The following VPS13B variants were observed in gnomAD, a reference collection of about 807,000 sequenced individuals.
VPS13B encodes vacuolar protein sorting 13 homolog B, also known as intermembrane lipid transfer protein VPS13B.
A neutral mutation model predicts 426.4 loss-of-function variants in VPS13B; 285 were observed. That is an observed-to-expected ratio of 0.67 (90% confidence interval 0.61 to 0.74). The LOEUF is 0.74. VPS13B is among the 30% of genes least tolerant of loss of function. The pLI, the probability that VPS13B is intolerant of heterozygous loss-of-function variation, is 0.00. For missense variants in VPS13B, 4,537 were observed against 4,782.6 expected (o/e 0.95, Z 1.51); for synonymous variants, 1,676 against 1,676.4 (o/e 1.00, Z 0.01).
chr8:99,244,673 A>G (rs1817115074), intron 17 of VPS13B, among the ~76,000 whole-genome samples: 1 of 152,230 alleles, frequency 6.6e-6, no homozygotes, highest in East Asian at 1.9e-4. Context: ...ATTTTAGAAG[A>G]TAGTTCTATA....
intron 31 of VPS13B, among the ~76,000 whole-genome samples, chr8:99,572,900 C>G (rs946984040): frequency 6.6e-6 from 1 of 152,176 alleles, no homozygotes; most frequent in Non-Finnish European, 1.5e-5. Context: ...AATGGTTGAA[C>G]TAATTTACAG....
Position 99,152,653 on chromosome 8 carries a change from A to AT in VPS13B, c.2014-3889dup, listed in dbSNP as rs1811133362. Among the ~76,000 whole-genome samples, 4 of 151,928 alleles carry AT rather than the reference A, an allele frequency of 2.6e-5. No individual in the cohort carries two copies. In the South Asian group the frequency reaches 8.3e-4, roughly 32 times the overall value. ...TTGAAATTTTATCACATTTTGCTTT[A>AT]TTTTTTTGGCACTGTGTCTTTAGGC... On this transcript the variant is annotated intron_variant, in intron 14 of 61. Transcript: ENST00000357162.
chr8:99,058,272 TA>T (rs752789247), intron 3 of VPS13B, among the ~76,000 whole-genome samples: 15 of 150,778 alleles, frequency 9.9e-5, no homozygotes, highest in East Asian at 3.9e-4. Context: ...AAGTCAGATT[TA>T]AAAAAAAATA....
At position 99,556,526 on chromosome 8, in the gene VPS13B, TC is replaced by T. The variant is rs774574992; in HGVS notation, c.4824del (p.Ile1609SerfsTer11). The T allele has an allele frequency of 6.2e-7, 1 of 1,613,306 alleles. No individual in the cohort carries two copies. The highest frequency in any genetic ancestry group is 8.5e-7 in the Non-Finnish European group (1 of 1,179,566). ...CAGACAATACCAAATAGATCTGCAG[TC>T]CATCAATATTGGTACTGCACAGTGG... ...EDRQYQIDLQ[S>X]INIGTAQWHQ... On this transcript the variant is annotated frameshift_variant, in exon 31 of 62. Coordinates refer to ENST00000357162, the MANE Select transcript of VPS13B (RefSeq NM_152564.5). LOFTEE classifies it high-confidence loss of function.
intron 55 of VPS13B, among the ~76,000 whole-genome samples, chr8:99,852,181 ATC>A (rs1195279028): frequency 6.6e-6 from 1 of 151,898 alleles, no homozygotes; most frequent in Non-Finnish European, 1.5e-5. Flanking sequence ...GAGAGAGACT[ATC>A]TGCAGATTTA....
intron 2 of VPS13B, among the ~76,000 whole-genome samples, chr8:99,028,738 C>G (rs1842309276): frequency 1.4e-5 from 2 of 144,340 alleles, no homozygotes; most frequent in Non-Finnish European, 3.0e-5. Flanking sequence ...CCACCTCCCT[C>G]CTGGACGGGG....
intron 21 of VPS13B, among the ~76,000 whole-genome samples, chr8:99,401,304 G>T (rs1815025047): frequency 6.6e-6 from 1 of 152,004 alleles, no homozygotes; most frequent in Non-Finnish European, 1.5e-5. Context: ...CCATATTTTT[G>T]AGTGTGTTTT....
intron 39 of VPS13B, among the ~76,000 whole-genome samples, chr8:99,731,781 T>G (rs2130411183): frequency 6.6e-6 from 1 of 152,306 alleles, no homozygotes; most frequent in Middle Eastern, 3.4e-3. Flanking sequence ...ATTGCAAGAT[T>G]TAAGCTCAGT....
At chr8:99,705,018 G>A (rs1325231568) in intron 36 of VPS13B, among the ~76,000 whole-genome samples, 1 of 152,006 alleles carries the variant, frequency 6.6e-6, no homozygotes, top group Non-Finnish European at 1.5e-5. Context: ...AGAACAGATG[G>A]CCTACCGTCC....
At chr8:99,581,181 CAA>C (rs543546804) in intron 33 of VPS13B, among the ~76,000 whole-genome samples, 2 of 125,902 alleles carry the variant, frequency 1.6e-5, no homozygotes, top group Admixed American at 7.9e-5. Context: ...GACCCTGTCT[CAA>C]AAAAAAAAAA....
intron 17 of VPS13B, among the ~76,000 whole-genome samples, chr8:99,214,678 A>G (rs920076509): frequency 1.3e-5 from 2 of 152,148 alleles, no homozygotes; most frequent in African/African-American, 4.8e-5. Flanking sequence ...TATTTTCTCA[A>G]TACTTTAACA....
chr8:99,038,365 AT>A, intron 2 of VPS13B, 57 bp from the exon 3 acceptor site: 3 of 1,375,536 alleles, frequency 2.2e-6, no homozygotes, highest in Non-Finnish European at 3.0e-6. Flanking sequence ...AAATTTGCAT[AT>A]TATAATAAAA....
chr8:99,273,428 AGTGCT>A (rs1345505810), intron 17 of VPS13B, among the ~76,000 whole-genome samples: 1 of 151,818 alleles, frequency 6.6e-6, no homozygotes, highest in Non-Finnish European at 1.5e-5. Context: ...GGCCTGCCAA[AGTGCT>A]GGGATTACAG....
At chr8:99,577,709 A>T in intron 33 of VPS13B, 76 bp downstream of exon 33, 1 of 1,540,172 alleles carries the variant, frequency 6.5e-7, no homozygotes, top group Non-Finnish European at 8.9e-7. Context: ...AACTATAATT[A>T]AGCTGACTGC....
At chr8:99,127,143 T>C (rs1848219969) in intron 8 of VPS13B, among the ~76,000 whole-genome samples, 1 of 152,098 alleles carries the variant, frequency 6.6e-6, no homozygotes, top group Non-Finnish European at 1.5e-5. Context: ...ATATCTGGGT[T>C]ACCAGGGACT....
chr8:99,521,398 A>G (rs1822373672), intron 30 of VPS13B, among the ~76,000 whole-genome samples: 2 of 152,212 alleles, frequency 1.3e-5, no homozygotes, highest in African/African-American at 4.8e-5. Context: ...AGTGTAAGCT[A>G]TTATTTGAAA....
intron 19 of VPS13B, among the ~76,000 whole-genome samples, chr8:99,359,005 AAAT>A (rs1812345604): frequency 6.6e-6 from 1 of 152,210 alleles, no homozygotes; most frequent in African/African-American, 2.4e-5. Context: ...GCAAGTACAG[AAAT>A]AATGTTTTAA....
intron 3 of VPS13B, chr8:99,092,226 A>G (rs1846189685): frequency 6.6e-6 from 1 of 152,180 alleles, no homozygotes; most frequent in African/African-American, 2.4e-5. Flanking sequence ...TAAGGAAATG[A>G]CATTCTTGCT....
At chr8:99,337,420 G>C (rs919187147) in intron 19 of VPS13B, among the ~76,000 whole-genome samples, 1 of 151,366 alleles carries the variant, frequency 6.6e-6, no homozygotes, top group East Asian at 2.0e-4. Flanking sequence ...GCTAAATGAC[G>C]AGTTAATGGG....
Sources: gnomAD v4.1 joint callset for allele counts (sites outside exome capture counted in the v4.1 genomes callset) on GRCh38, gnomAD v4.1.1 for gene constraint, MANE v1.5 for transcripts, NCBI Gene and HGNC (gene_info 2026-07-23, HGNC 2026-07-21) for gene names.